Variants in SSH2 observed in about 807,000 individuals in gnomAD.
SSH2 encodes the protein protein phosphatase Slingshot homolog 2.
A neutral mutation model predicts 135.2 loss-of-function variants in SSH2; 37 were observed. The observed-to-expected ratio is 0.27, with a 90% CI of 0.21 to 0.36. The LOEUF (loss-of-function observed/expected upper bound fraction) is 0.36. Among genes scored for constraint, SSH2 ranks in the 10% least tolerant of loss-of-function variants. SSH2 has a pLI of 1.00. For synonymous variants in SSH2, 628 were observed against 646.2 expected, an observed-to-expected ratio of 0.97 and a Z score of 0.43; for missense variants, 1,408 against 1,765.3, an observed-to-expected ratio of 0.80 and a Z score of 3.63.
intron 2 of SSH2, among the ~76,000 whole-genome samples, chr17:29,844,315 A>G (rs1342803880): frequency 1.3e-5 from 2 of 152,334 alleles, no homozygotes; most frequent in East Asian, 3.9e-4. Context: ...TTTTATTTTT[A>G]GGAAATAAAC....
chr17:29,922,832 G>A (rs1333138252), intron 1 of SSH2, among the ~76,000 whole-genome samples: 1 of 152,230 alleles, frequency 6.6e-6, no homozygotes, highest in Non-Finnish European at 1.5e-5. Context: ...TAGGAAAAAT[G>A]AGCATTCTTA....
chr17:29,886,234 T>A (rs2066235753), intron 1 of SSH2, among the ~76,000 whole-genome samples: 2 of 152,168 alleles, frequency 1.3e-5, no homozygotes, highest in African/African-American at 4.8e-5. Context: ...CTCATAGCGA[T>A]ATGGACAATA....
intron 3 of SSH2, among the ~76,000 whole-genome samples, chr17:29,703,925 G>A (rs1176949916): frequency 2.6e-5 from 4 of 152,292 alleles, no homozygotes. Flanking sequence ...AGTTAAGAGC[G>A]CAGGCTCTGA....
chr17:29,792,258 A>C (rs915915236), intron 3 of SSH2, among the ~76,000 whole-genome samples: 1 of 152,096 alleles, frequency 6.6e-6, no homozygotes, highest in African/African-American at 2.4e-5. Flanking sequence ...AATGACTTCC[A>C]TTGCCTCATC....
chr17:29,651,002 C>G (rs2036558934), intron 12 of SSH2, among the ~76,000 whole-genome samples: 1 of 152,128 alleles, frequency 6.6e-6, no homozygotes, highest in South Asian at 2.1e-4. Flanking sequence ...ACCTGGGCAC[C>G]AGGGAATTAT....
chr17:29,807,669 G>C (rs1186232931), intron 2 of SSH2, among the ~76,000 whole-genome samples: 1 of 152,156 alleles, frequency 6.6e-6, no homozygotes, highest in Admixed American at 6.5e-5. Context: ...TGACATCTTG[G>C]AGTGGCAGTG....
Position 29,707,164 on chromosome 17 carries a change from AAG to A in SSH2, c.189-4104_189-4103del, listed in dbSNP as rs1422309442. 2.6e-5 allele frequency: 4 copies of A among 152,050 alleles called. No individual in the cohort carries two copies. In the East Asian group the frequency reaches 8.0e-4, roughly 30 times the overall value. The allele number at this position is 152,050 out of a possible 1,614,324, so 9.4% of individuals were successfully genotyped here. A position where few individuals can be genotyped will look rare whatever the true frequency, so the allele number is the denominator to read the frequency against. On this transcript the variant is annotated intron_variant, in intron 3 of 15. Coordinates refer to ENST00000540801, the MANE Select transcript of SSH2 (RefSeq NM_001282129.2). ...CGACACTCCGCCTCAAAAAAAAAAA[AAG>A]AACTTCCTGGTTTTTGGAGTTCAGC...
At chr17:29,742,806 G>A (rs1357795618) in intron 3 of SSH2, among the ~76,000 whole-genome samples, 1 of 149,740 alleles carries the variant, frequency 6.7e-6, no homozygotes, top group Non-Finnish European at 1.5e-5. Flanking sequence ...GCTAATTTTT[G>A]TATTTTTTAG....
chr17:29,835,635 G>A (rs1027622916), intron 2 of SSH2, among the ~76,000 whole-genome samples: 8 of 152,148 alleles, frequency 5.3e-5, no homozygotes, highest in Non-Finnish European at 1.2e-4. Context: ...CATGATAGGA[G>A]GGCACTTCCT....
chr17:29,774,820 G>A (rs953281985), intron 3 of SSH2, among the ~76,000 whole-genome samples: 4 of 152,178 alleles, frequency 2.6e-5, no homozygotes, highest in Admixed American at 6.5e-5. Context: ...AGGATGGCAA[G>A]AGCAGCAAGA....
At chr17:29,923,301 TG>T (rs1380754605) in intron 1 of SSH2, among the ~76,000 whole-genome samples, 3 of 152,112 alleles carry the variant, frequency 2.0e-5, no homozygotes, top group Admixed American at 1.3e-4. Context: ...TAGCCAATGA[TG>T]TTCATTGTAA....
At chr17:29,797,851 G>T (rs1599013993) in intron 2 of SSH2, among the ~76,000 whole-genome samples, 1 of 152,148 alleles carries the variant, frequency 6.6e-6, no homozygotes, top group East Asian at 1.9e-4. Flanking sequence ...TCACGCCACT[G>T]CATTCCAACC....
chr17:29,689,232 A>G (rs1399043824), intron 5 of SSH2, among the ~76,000 whole-genome samples: 1 of 152,214 alleles, frequency 6.6e-6, no homozygotes, highest in African/African-American at 2.4e-5. Flanking sequence ...CCGCAGCCAT[A>G]AGGAAAAGTC....
intron 2 of SSH2, among the ~76,000 whole-genome samples, chr17:29,795,815 C>A (rs1010595979): frequency 1.3e-5 from 2 of 152,108 alleles, no homozygotes; most frequent in South Asian, 4.1e-4. Flanking sequence ...GATCTCGACT[C>A]ACTGCAACCT....
chr17:29,766,856 A>C (rs1420967281), intron 3 of SSH2, among the ~76,000 whole-genome samples: 1 of 152,186 alleles, frequency 6.6e-6, no homozygotes, highest in East Asian at 1.9e-4. Context: ...TTAATCTGTA[A>C]AACACTAGGA....
intron 1 of SSH2, chr17:29,864,017 A>G (rs2065809847): frequency 6.6e-6 from 1 of 152,154 alleles, no homozygotes; most frequent in African/African-American, 2.4e-5. Flanking sequence ...ATCTCATTCA[A>G]TACTAGGCTG....
Position 29,786,005 on chromosome 17 carries a change from C to T in SSH2, c.188+7889G>A, listed in dbSNP as rs554720850. Among the ~76,000 whole-genome samples, 3 of 152,114 alleles carry T rather than the reference C, an allele frequency of 2.0e-5. No individual in the cohort carries two copies. The East Asian group carries it at 5.8e-4, about 30-fold the overall frequency. ...ATTTTTAGTAGAGACCGGGTTTCACCGTGTCAGCCAGGATGGTCTTGATCT... is the reference window on the plus strand; with the variant it reads ...ATTTTTAGTAGAGACCGGGTTTCACTGTGTCAGCCAGGATGGTCTTGATCT... On this transcript the variant is annotated intron_variant, in intron 3 of 15. Transcript: ENST00000540801.
At chr17:29,761,397 G>A in intron 3 of SSH2, 1 of 1,064,574 alleles carries the variant, frequency 9.4e-7, no homozygotes, top group Non-Finnish European at 1.1e-6. Flanking sequence ...GGAGGCAGCC[G>A]CCGAAGCCCC....
chr17:29,632,869 T>C lies in SSH2; in HGVS notation c.2325A>G (p.Ser775=). 6.2e-7 allele frequency: 1 copy of C among 1,614,156 alleles called. No individual in the cohort carries two copies. Among genetic ancestry groups the C allele is most frequent in the Non-Finnish European group, 8.5e-7 (1 of 1,179,996 alleles). ...CAATTTCAGTGACAATTTCTTTGAC[T>C]GAAATTGCATTTTCCGAGTGAGACT... is the stretch of plus-strand genomic sequence containing the variant. ...FMQSHSENAI[S]VKEIVTEIES... The change falls in exon 16 of 16, where the codon TCA becomes TCG. Residue 775 remains serine (S), a synonymous_variant. Transcript: ENST00000540801.
Sources: gnomAD v4.1 joint callset for allele counts (sites outside exome capture counted in the v4.1 genomes callset) on GRCh38, gnomAD v4.1.1 for gene constraint, MANE v1.5 for transcripts, NCBI Gene and HGNC (gene_info 2026-07-23, HGNC 2026-07-21) for gene names.